KIAA1217: variants seen among roughly 807,000 people sequenced by gnomAD.
KIAA1217 encodes KIAA1217.
In KIAA1217, 88 loss-of-function variants were observed where a neutral mutation model predicts 163.9. That is an observed-to-expected ratio of 0.54 (90% CI 0.45 to 0.64). The LOEUF (loss-of-function observed/expected upper bound fraction) is 0.64, where lower values mean the gene tolerates loss of function less well. Ranked by LOEUF, KIAA1217 falls within the 30% of genes least tolerant of loss-of-function variation. The probability of loss-of-function intolerance (pLI) is 0.00; values close to 1 mark genes in which losing one functional copy is unlikely to be tolerated. For synonymous variants in KIAA1217, 903 were observed against 923.1 expected (o/e 0.98, Z 0.39); for missense variants, 2,372 against 2,475.0 (o/e 0.96, Z 0.88).
chr10:24,091,632 A>G (rs2061941542), intron 2 of KIAA1217, among the ~76,000 whole-genome samples: 1 of 151,886 alleles, frequency 6.6e-6, no homozygotes, highest in Non-Finnish European at 1.5e-5. Flanking sequence ...TGATACTGGG[A>G]TCCAATTGTG....
At chr10:24,321,321 G>T (rs4748941) in intron 2 of KIAA1217, among the ~76,000 whole-genome samples, 23,709 of 151,830 alleles carry the variant, frequency 0.16, 1,848 homozygotes, top group African/African-American at 0.17. Flanking sequence ...AATGGATCAC[G>T]TGAGGTCAAG....
At chr10:24,183,417 C>T (rs1018046502) in intron 2 of KIAA1217, among the ~76,000 whole-genome samples, 3 of 152,132 alleles carry the variant, frequency 2.0e-5, no homozygotes, top group Non-Finnish European at 4.4e-5. Flanking sequence ...TCCTCTCTTT[C>T]TGTTAGTCAT....
chr10:24,021,359 C>A (rs114111644), intron 2 of KIAA1217, among the ~76,000 whole-genome samples: 1,915 of 151,628 alleles, frequency 0.013, 37 homozygotes, highest in African/African-American at 0.04. Flanking sequence ...ACATTAGCAC[C>A]AAAAAAATCA....
intron 5 of KIAA1217, among the ~76,000 whole-genome samples, chr10:24,469,211 C>T (rs541420053): frequency 1.3e-5 from 2 of 152,146 alleles, no homozygotes; most frequent in East Asian, 1.9e-4. Flanking sequence ...CTGCAACCTC[C>T]GCCTCCCAGG....
At chr10:24,538,651 G>A (rs116635454) in intron 17 of KIAA1217, among the ~76,000 whole-genome samples, 13 of 140,832 alleles carry the variant, frequency 9.2e-5, no homozygotes, top group African/African-American at 3.1e-4. Context: ...GAGAGGAAGG[G>A]AGGGAAAAGA....
At chr10:24,229,854 A>C (rs567892732) in intron 2 of KIAA1217, among the ~76,000 whole-genome samples, 2 of 152,168 alleles carry the variant, frequency 1.3e-5, no homozygotes, top group East Asian at 1.9e-4. Context: ...AAAGGACATA[A>C]ATTTTTTAGC....
chr10:24,027,660 T>G (rs2131529766), intron 2 of KIAA1217, among the ~76,000 whole-genome samples: 1 of 152,232 alleles, frequency 6.6e-6, no homozygotes, highest in Admixed American at 6.6e-5. Context: ...AAATACCATG[T>G]TAATAGATAG....
At chr10:23,839,842 A>G (rs1838683404) in intron 1 of KIAA1217, among the ~76,000 whole-genome samples, 1 of 152,150 alleles carries the variant, frequency 6.6e-6, no homozygotes, top group African/African-American at 2.4e-5. Context: ...ATAATGCTCC[A>G]TTAGAAATCC....
intron 1 of KIAA1217, among the ~76,000 whole-genome samples, chr10:23,876,889 G>C (rs1448055874): frequency 1.3e-5 from 2 of 151,948 alleles, no homozygotes; most frequent in Non-Finnish European, 2.9e-5. Flanking sequence ...GAGTTACGAA[G>C]AGTTCGGTTT....
chr10:24,463,288 C>T (rs754297612), intron 5 of KIAA1217, among the ~76,000 whole-genome samples: 1 of 152,188 alleles, frequency 6.6e-6, no homozygotes, highest in African/African-American at 2.4e-5. Context: ...GGACCCAGGA[C>T]TGGTCAGCCA....
chr10:24,309,200 G>A (rs1475705274), intron 2 of KIAA1217, among the ~76,000 whole-genome samples: 2 of 151,744 alleles, frequency 1.3e-5, no homozygotes, highest in African/African-American at 4.8e-5. Context: ...AAGGGTGAGT[G>A]AGTGGAAGAA....
intron 1 of KIAA1217, among the ~76,000 whole-genome samples, chr10:23,924,197 TA>T (rs1842943379): frequency 6.6e-6 from 1 of 150,788 alleles, no homozygotes; most frequent in South Asian, 2.1e-4. Flanking sequence ...AGTTCTAGGA[TA>T]CATGTGCAAG....
At chr10:24,484,241 A>ATATT (rs1376083298) in intron 6 of KIAA1217, among the ~76,000 whole-genome samples, 4 of 75,160 alleles carry the variant, frequency 5.3e-5, no homozygotes, top group East Asian at 4.6e-4. Context: ...ATATATATAT[A>ATATT]TTTTTTTTTT....
At chr10:24,182,705 A>G (rs2066238514) in intron 2 of KIAA1217, among the ~76,000 whole-genome samples, 1 of 152,204 alleles carries the variant, frequency 6.6e-6, no homozygotes, top group Non-Finnish European at 1.5e-5. Flanking sequence ...GAGTTCAGAC[A>G]TACTTGAGGA....
intron 1 of KIAA1217, among the ~76,000 whole-genome samples, chr10:23,821,507 A>G (rs994600139): frequency 1.3e-5 from 2 of 152,160 alleles, no homozygotes; most frequent in African/African-American, 2.4e-5. Flanking sequence ...CATATTCCAA[A>G]GGTCAAACAC....
At chr10:24,206,571 T>G (rs2067566525), upstream of KIAA1217, among the ~76,000 whole-genome samples, 1 of 152,188 alleles carries the variant, frequency 6.6e-6, no homozygotes. Context: ...TCTCAAATTG[T>G]TTTCAGTTCC....
At position 23,934,569 on chromosome 10, in the gene KIAA1217, ATATATATATATATATATATATG is replaced by A. The variant is rs1177194593; in HGVS notation, c.-320-72640_-320-72619del. Among the ~76,000 whole-genome samples the A allele has an allele frequency of 3.6e-3, 281 of 77,152 alleles. 5 individuals are homozygous for A. Among genetic ancestry groups the A allele is most frequent in the Admixed American group, 0.028 (218 of 7,866 alleles). The allele number at this position is 77,152 out of a possible 152,430, so 50.6% of individuals were successfully genotyped here. On this transcript the variant is annotated intron_variant, in intron 1 of 18. Transcript: ENST00000376462. ...AGTGGTCTTTAAAGTATATATATAT[ATATATATATATATATATATATG>A]TATATATATATATATGTATATATAT...
chr10:23,818,572 C>G (rs1003760570), intron 1 of KIAA1217, among the ~76,000 whole-genome samples: 2 of 151,942 alleles, frequency 1.3e-5, no homozygotes, highest in African/African-American at 2.4e-5. Context: ...GATTTGGATA[C>G]AGAAACCAGG....
At position 24,520,673 on chromosome 10, in the gene KIAA1217, T is replaced by TACACACACAGAC. The variant is rs1375832036; in HGVS notation, c.2308+421_2308+422insCACACACAGACA. 4.9e-5 allele frequency among the ~76,000 whole-genome samples: 4 copies of TACACACACAGAC among 82,278 alleles called. No individual in the cohort carries two copies. The Admixed American group carries it at 6.0e-4, about 12-fold the overall frequency. 54.0% of individuals were successfully genotyped at this position (82,278 alleles called of 152,430 possible). A position where few individuals can be genotyped will look rare whatever the true frequency, so the allele number is the denominator to read the frequency against. On this transcript the variant is annotated intron_variant, in intron 11 of 20. Coordinates refer to ENST00000376454, the MANE Select transcript of KIAA1217 (RefSeq NM_019590.5). ...AAAAATATATATATATATATATATA[T>TACACACACAGAC]ATACACACACACACAAAAAAAAATT...
Sources: allele counts gnomAD v4.1 joint callset (sites outside exome capture counted in the v4.1 genomes callset), GRCh38; gene constraint gnomAD v4.1.1; transcripts MANE v1.5; gene names NCBI Gene and HGNC (gene_info 2026-07-23, HGNC 2026-07-21).